MYLK: variants seen among roughly 807,000 people sequenced by gnomAD.
MYLK encodes the protein myosin light chain kinase, also known as myosin light chain kinase, smooth muscle.
MYLK carries 106 observed loss-of-function variants against 203.4 expected under a neutral mutation model. The ratio of observed to expected loss-of-function variants is 0.52; its 90% confidence interval spans 0.45 to 0.61. The LOEUF (loss-of-function observed/expected upper bound fraction) is 0.61, where lower values mean the gene tolerates loss of function less well. Among genes scored for constraint, MYLK ranks in the 20% least tolerant of loss-of-function variants. The pLI is 0.00. For synonymous variants in MYLK, 867 were observed against 959.5 expected (o/e 0.90, Z 1.78); for missense variants, 2,072 against 2,442.3 (o/e 0.85, Z 3.20).
At position 123,634,040 on chromosome 3, in the gene MYLK, G is replaced by T. The variant is rs73857696; in HGVS notation, c.4961+4031C>A. Among the ~76,000 whole-genome samples, 1,046 of 152,236 alleles carry T rather than the reference G, an allele frequency of 6.9e-3. 13 individuals carry two copies. The highest frequency in any genetic ancestry group is 0.024 in the African/African-American group (984 of 41,528). The stretch of plus-strand genomic sequence containing the variant: ...CCCGACTGTACCAGTGGCCAGCTAA[G>T]GGGACCACACATCTGCTGATGGAAC... On this transcript the variant is annotated intron_variant, in intron 29 of 33. Coordinates refer to ENST00000360304, the MANE Select transcript of MYLK (RefSeq NM_053025.4).
chr3:123,761,023 T>A (rs1376794523), intron 4 of MYLK, among the ~76,000 whole-genome samples: 1 of 152,050 alleles, frequency 6.6e-6, no homozygotes, highest in Non-Finnish European at 1.5e-5. Flanking sequence ...GATGGGTGAG[T>A]GTCAGGAAAT....
intron 4 of MYLK, among the ~76,000 whole-genome samples, chr3:123,776,483 T>C (rs898429890): frequency 1.3e-5 from 2 of 152,158 alleles, no homozygotes; most frequent in African/African-American, 4.8e-5. Context: ...TGTATAAAGA[T>C]GTTGATGAAA....
rs2058798049 is a variant in MYLK at position 123,640,575 on chromosome 3, A to C, written c.4620-71T>G. 1 of 1,540,548 alleles carries C rather than the reference A, an allele frequency of 6.5e-7. No individual in the cohort carries two copies. The highest frequency in any genetic ancestry group is 9.0e-7 in the Non-Finnish European group (1 of 1,116,562). The stretch of plus-strand genomic sequence containing the variant: ...GGCCAGGCTGGCAGGGAGTCTGGCC[A>C]GGGTAGGCTGGGGGTAGGAGAAATT... On this transcript the variant is annotated intron_variant, in intron 27 of 33. Transcript: ENST00000360304. This position sits in a 1 kb window ranked among gnomAD's most constrained non-coding sequence, Gnocchi z 4.3.
chr3:123,671,430 G>A lies in MYLK; in HGVS notation c.3653-4243C>T, dbSNP rs527637074. On this transcript the variant is annotated intron_variant, in intron 20 of 33. Coordinates refer to ENST00000360304, the MANE Select transcript of MYLK (RefSeq NM_053025.4). ...CAGGTGTGTCCACAGTAAAGAAGCC[G>A]AGACACAGGAGAGGGCTGTGGAAGG... Among the ~76,000 whole-genome samples the A allele has an allele frequency of 2.2e-3, 331 of 152,334 alleles. 1 individual carries two copies. Among genetic ancestry groups the A allele is most frequent in the African/African-American group, 7.9e-3 (327 of 41,576 alleles).
rs574502573 is a variant in MYLK, at chr3:123,613,169, A to G, written c.*936T>C. On this transcript the variant is annotated 3_prime_UTR_variant, in exon 34 of 34. Transcript: ENST00000360304. ...AGTACATGGAGTTCTCCAGCTCTTT[A>G]TCAGTTGAAATCTGTTTCATCGTGG... 4 of 152,370 alleles carry G rather than the reference A, an allele frequency of 2.6e-5. No homozygotes were observed. Among genetic ancestry groups the G allele is most frequent in the Admixed American group, 2.0e-4 (3 of 15,304 alleles). 9.4% of individuals were successfully genotyped at this position (152,370 alleles called of 1,614,324 possible). A position where few individuals can be genotyped will look rare whatever the true frequency, so the allele number is the denominator to read the frequency against.
At chr3:123,687,438 CTGTT>C (rs1013665722) in intron 19 of MYLK, among the ~76,000 whole-genome samples, 18 of 152,260 alleles carry the variant, frequency 1.2e-4, no homozygotes, top group Non-Finnish European at 2.1e-4. Flanking sequence ...GACTCAGTCT[CTGTT>C]TGCCTGAGAT....
At chr3:123,795,381 C>T (rs2064948859) in intron 3 of MYLK, among the ~76,000 whole-genome samples, 1 of 152,126 alleles carries the variant, frequency 6.6e-6, no homozygotes, top group African/African-American at 2.4e-5. Flanking sequence ...AAATCTATGC[C>T]CGAATTCCTA....
chr3:123,853,651 C>T (rs1364782776), intron 2 of MYLK, among the ~76,000 whole-genome samples: 1 of 151,980 alleles, frequency 6.6e-6, no homozygotes. Flanking sequence ...TCAAGAGCTG[C>T]CGTACCCAAG....
intron 4 of MYLK, among the ~76,000 whole-genome samples, chr3:123,761,016 G>A (rs1311983661): frequency 6.6e-6 from 1 of 152,184 alleles, no homozygotes; most frequent in Non-Finnish European, 1.5e-5. Context: ...CAAGAAGGAT[G>A]GGTGAGTGTC....
chr3:123,725,117 T>A (rs2062234251), intron 12 of MYLK, among the ~76,000 whole-genome samples: 1 of 152,070 alleles, frequency 6.6e-6, no homozygotes, highest in Admixed American at 6.6e-5. Context: ...TTCCACCCTA[T>A]CTTCTCATAG....
chr3:123,791,295 C>G (rs760994853), intron 4 of MYLK, among the ~76,000 whole-genome samples: 3 of 152,224 alleles, frequency 2.0e-5, no homozygotes, highest in Non-Finnish European at 4.4e-5. Context: ...CCCATGCCAC[C>G]TCAGGCTAAC....
chr3:123,813,673 A>G (rs11714890), intron 3 of MYLK, among the ~76,000 whole-genome samples: 27,669 of 151,792 alleles, frequency 0.18, 2,966 homozygotes, highest in Non-Finnish European at 0.25. Context: ...ACCACGCCTG[A>G]CTAATTTTTG....
intron 24 of MYLK, among the ~76,000 whole-genome samples, chr3:123,654,476 G>A (rs1228946193): frequency 2.6e-5 from 4 of 151,934 alleles, no homozygotes; most frequent in Non-Finnish European, 4.4e-5. Flanking sequence ...TTCACTATTT[G>A]CCTCACTTGA....
chr3:123,781,876 T>G (rs2109035733), intron 4 of MYLK, among the ~76,000 whole-genome samples: 1 of 152,300 alleles, frequency 6.6e-6, no homozygotes, highest in Admixed American at 6.5e-5. Flanking sequence ...ACTCAAAATC[T>G]TTCTTAAATA....
intron 4 of MYLK, among the ~76,000 whole-genome samples, chr3:123,759,832 G>A (rs4678054): frequency 0.86 from 130,545 of 152,272 alleles, 59,409 homozygotes; most frequent in East Asian, 1. Flanking sequence ...CCCAGAAGGA[G>A]GAAGCCATCT....
At chr3:123,686,740 G>T (rs1173638323) in intron 19 of MYLK, among the ~76,000 whole-genome samples, 1 of 152,184 alleles carries the variant, frequency 6.6e-6, no homozygotes, top group Non-Finnish European at 1.5e-5. Flanking sequence ...GGGAGGTGTG[G>T]CCAAGTCGTA....
In MYLK at chr3:123,754,261, G is replaced by A. The variant is rs189934288; in HGVS notation, c.166-1723C>T. On this transcript the variant is annotated intron_variant, in intron 4 of 33. Coordinates refer to ENST00000360304, the MANE Select transcript of MYLK (RefSeq NM_053025.4). ...CTCCCAAAGTGAACAATCCCTCTTTGATTATTCCATATAGTCACCCCTCAG... is the reference window on the plus strand; with the variant it reads ...CTCCCAAAGTGAACAATCCCTCTTTAATTATTCCATATAGTCACCCCTCAG... 1.6e-3 allele frequency among the ~76,000 whole-genome samples: 240 copies of A among 152,194 alleles called. 1 individual carries two copies. The highest frequency in any genetic ancestry group is 2.8e-3 in the Non-Finnish European group (190 of 68,004).
At chr3:123,682,803 G>A (rs1198435462) in intron 19 of MYLK, among the ~76,000 whole-genome samples, 1 of 152,136 alleles carries the variant, frequency 6.6e-6, no homozygotes, top group Non-Finnish European at 1.5e-5. Context: ...AAACTTTGCA[G>A]TGACAAACCA....
At chr3:123,643,939 C>A (rs2058924863) in intron 27 of MYLK, among the ~76,000 whole-genome samples, 1 of 152,250 alleles carries the variant, frequency 6.6e-6, no homozygotes, top group African/African-American at 2.4e-5. Flanking sequence ...CTCAGGGTCC[C>A]ACAACCACCT....
Sources: gnomAD v4.1 joint callset for allele counts (sites outside exome capture counted in the v4.1 genomes callset) on GRCh38, gnomAD v4.1.1 for gene constraint, Gnocchi (gnomAD v3.1) non-coding constraint, MANE v1.5 for transcripts, NCBI Gene and HGNC (gene_info 2026-07-23, HGNC 2026-07-21) for gene names.